Variants in TBC1D19 observed in about 807,000 individuals in gnomAD.
TBC1D19 encodes TBC1 domain family, member 19.
TBC1D19 carries 60 observed loss-of-function variants against 89.0 expected under a neutral mutation model. That is an observed-to-expected ratio of 0.67 (90% CI 0.55 to 0.84). The LOEUF is 0.84. TBC1D19 is among the 40% of genes least tolerant of loss of function. TBC1D19 has a pLI of 0.00. For missense variants in TBC1D19, 500 were observed against 610.8 expected (o/e 0.82, Z 1.91); for synonymous variants, 189 against 199.7 (o/e 0.95, Z 0.45).
intron 5 of TBC1D19, 137 bp downstream of exon 5, chr4:26,637,422 G>A (rs1743202970): frequency 1.6e-6 from 1 of 634,228 alleles, no homozygotes; most frequent in Non-Finnish European, 2.5e-6. Context: ...ACCCAGGCTG[G>A]AGTGCAGTGG....
chr4:26,645,176 A>G (rs1743831312), intron 7 of TBC1D19, among the ~76,000 whole-genome samples: 2 of 152,240 alleles, frequency 1.3e-5, no homozygotes, highest in Non-Finnish European at 2.9e-5. Context: ...TATGGAACCA[A>G]AAAAGAGCCC....
intron 16 of TBC1D19, among the ~76,000 whole-genome samples, chr4:26,738,080 A>T (rs1167334016): frequency 6.6e-6 from 1 of 151,810 alleles, no homozygotes; most frequent in African/African-American, 2.4e-5. Flanking sequence ...GGATGCTTAA[A>T]ATTAAAAATT....
chr4:26,805,261 G>A, the TBC1D19 span, among the ~76,000 whole-genome samples: 4 of 152,294 alleles, frequency 2.6e-5, no homozygotes, highest in Non-Finnish European at 4.4e-5. Flanking sequence ...CGGATTCCTG[G>A]ACCCTCGTAT....
At chr4:26,735,102 A>G (rs1382466371) in intron 15 of TBC1D19, among the ~76,000 whole-genome samples, 1 of 151,260 alleles carries the variant, frequency 6.6e-6, no homozygotes, top group East Asian at 1.9e-4. Flanking sequence ...ACATGTATAT[A>G]TGTATATATG....
the TBC1D19 span, among the ~76,000 whole-genome samples, chr4:26,842,340 C>CTTTTTTTTTTTTTTTTTTTTT: frequency 2.6e-4 from 21 of 81,592 alleles, 1 homozygote; most frequent in Non-Finnish European, 3.2e-4. Context: ...CTTTTCTTTT[C>CTTTTTTTTTTTTTTTTTTTTT]TTTTTTTTTT....
intron 15 of TBC1D19, among the ~76,000 whole-genome samples, chr4:26,733,987 A>G (rs764775708): frequency 5.9e-5 from 9 of 152,228 alleles, no homozygotes; most frequent in Non-Finnish European, 1.2e-4. Context: ...ATTTGAAGAA[A>G]TTCATGAAGT....
Position 26,684,368 on chromosome 4 carries a change from G to A in TBC1D19, c.891+619G>A, listed in dbSNP as rs545176330. Among the ~76,000 whole-genome samples, 8 of 152,270 alleles carry A rather than the reference G, an allele frequency of 5.3e-5. No homozygotes were observed. The South Asian group carries it at 1.7e-3, about 32-fold the overall frequency. On this transcript the variant is annotated intron_variant, in intron 12 of 20. Transcript: ENST00000264866. ...GAAAGGTTTGATCGGACTGGATCCT[G>A]CCATGGGGTGATGCCAGGGCTTGAT...
chr4:26,773,757 C>T, the TBC1D19 span, among the ~76,000 whole-genome samples: 1 of 152,158 alleles, frequency 6.6e-6, no homozygotes, highest in Non-Finnish European at 1.5e-5. Flanking sequence ...TCAGGATTGT[C>T]AAAGATCAGA....
chr4:26,622,164 C>A (rs1434482515), intron 4 of TBC1D19, among the ~76,000 whole-genome samples: 2 of 151,964 alleles, frequency 1.3e-5, no homozygotes, highest in East Asian at 3.9e-4. Flanking sequence ...TTAATGGGTG[C>A]AGCTCACCAA....
chr4:26,641,532 C>T (rs750156111), intron 7 of TBC1D19, among the ~76,000 whole-genome samples: 72 of 152,294 alleles, frequency 4.7e-4, no homozygotes, highest in Middle Eastern at 3.4e-3. Flanking sequence ...TCCAAAGGAT[C>T]GCAGCTCCTT....
In TBC1D19 at chr4:26,720,080, G is replaced by A; in HGVS notation, c.1040-1G>A. On this transcript the variant is annotated splice_acceptor_variant, in intron 14 of 20. Transcript: ENST00000264866. LOFTEE classifies it high-confidence loss of function. ...AAATCCTCTATGGTTTTCTCTTATA[G>A]GAAAACTAGGACTGGAAGAATATGC... is the stretch of plus-strand genomic sequence containing the variant. The A allele has an allele frequency of 6.3e-7, 1 of 1,597,224 alleles. No individual in the cohort carries two copies. Among genetic ancestry groups the A allele is most frequent in the Non-Finnish European group, 8.5e-7 (1 of 1,171,744 alleles).
chr4:26,824,095 T>C, the TBC1D19 span, among the ~76,000 whole-genome samples: 2 of 152,220 alleles, frequency 1.3e-5, no homozygotes, highest in African/African-American at 4.8e-5. Context: ...ATTTTAACTC[T>C]TACTTAAAAG....
At chr4:26,663,598 C>T (rs946403336) in intron 8 of TBC1D19, among the ~76,000 whole-genome samples, 1 of 152,112 alleles carries the variant, frequency 6.6e-6, no homozygotes, top group African/African-American at 2.4e-5. Context: ...TAAACTGATG[C>T]GAATGCATTC....
intron 12 of TBC1D19, among the ~76,000 whole-genome samples, chr4:26,685,792 T>C (rs1470814040): frequency 6.6e-6 from 1 of 152,220 alleles, no homozygotes; most frequent in Non-Finnish European, 1.5e-5. Flanking sequence ...TTATCAAAAA[T>C]GTAAGAGATC....
intron 13 of TBC1D19, among the ~76,000 whole-genome samples, chr4:26,693,393 G>A (rs554988685): frequency 4.6e-5 from 7 of 152,226 alleles, no homozygotes; most frequent in African/African-American, 1.7e-4. Flanking sequence ...AGGAAGCCAT[G>A]CTTAAAAAAG....
In TBC1D19 at chr4:26,742,581, G is replaced by A. The variant is rs901593497; in HGVS notation, c.1301G>A (p.Arg434Gln). The change falls in exon 18 of 21, where the codon CGA (arginine) becomes CAA (glutamine). Residue 434 changes from arginine to glutamine, a missense_variant. Physicochemically the swap from Arg to Gln is conservative, Grantham distance 43 (BLOSUM62 1). Around this residue, in one of 2 missense-constraint regions of TBC1D19, gnomAD observed 220 missense variants for 319.1 expected, o/e 0.69. Coordinates refer to ENST00000264866, the MANE Select transcript of TBC1D19 (RefSeq NM_018317.4). ...CTTCCCCAACTCTTTTATCATCTAC[G>A]AGAAATTGGGGCTCAACCGTGAGTA... The part of the protein sequence containing the change: ...TYLPQLFYHL[R>Q]EIGAQPLRIS... 7.4e-6 allele frequency: 12 copies of A among 1,611,690 alleles called. No homozygotes were observed. Among genetic ancestry groups the A allele is most frequent in the Admixed American group, 3.3e-5 (2 of 59,926 alleles).
At chr4:26,826,868 A>G in the TBC1D19 span, among the ~76,000 whole-genome samples, 2 of 152,078 alleles carry the variant, frequency 1.3e-5, no homozygotes, top group Non-Finnish European at 2.9e-5. Context: ...TAAAAGATAA[A>G]CCCTTCCAGA....
downstream of TBC1D19, among the ~76,000 whole-genome samples, chr4:26,756,496 G>C (rs4234981): frequency 0.46 from 69,348 of 151,892 alleles, 17,594 homozygotes; most frequent in Admixed American, 0.6. Context: ...GGGGAATTTT[G>C]GTCCTCCTGT....
the TBC1D19 span, among the ~76,000 whole-genome samples, chr4:26,840,270 C>T: frequency 7.9e-5 from 12 of 151,706 alleles, no homozygotes; most frequent in Non-Finnish European, 1.6e-4. Flanking sequence ...TTAGTAGAGA[C>T]GAGGTCTTAC....
Sources: gnomAD v4.1 joint callset for allele counts (sites outside exome capture counted in the v4.1 genomes callset) on GRCh38, gnomAD v4.1.1 for gene constraint, gnomAD v4.1.1 regional missense constraint, MANE v1.5 for transcripts, NCBI Gene and HGNC (gene_info 2026-07-23, HGNC 2026-07-21) for gene names.